DDX46: variants seen among roughly 807,000 people sequenced by gnomAD.
DDX46 encodes probable ATP-dependent RNA helicase DDX46.
In DDX46, 30 loss-of-function variants were observed where a neutral mutation model predicts 134.9. The ratio of observed to expected loss-of-function variants is 0.22; its 90% CI spans 0.17 to 0.30. The LOEUF (loss-of-function observed/expected upper bound fraction) is 0.30, where lower values mean the gene tolerates loss of function less well. DDX46 is among the 10% of genes least tolerant of loss of function. The pLI, the probability that DDX46 is intolerant of heterozygous loss-of-function variation, is 1.00. For missense variants in DDX46, 622 were observed against 1,248.7 expected (o/e 0.50, Z 7.56); for synonymous variants, 415 against 404.1 (o/e 1.03, Z -0.32).
chr5:134,767,041 A>G lies in DDX46; in HGVS notation c.331A>G (p.Ser111Gly). Residue 111 changes from serine to glycine, a missense_variant, in exon 3 of 23, where the codon AGC (serine) becomes GGC (glycine). Around this residue, in one of 8 missense-constraint regions of DDX46, gnomAD observed 244 missense variants for 349.3 expected, o/e 0.70. Transcript: ENST00000452510. ...CCGATCCTCCAGTCCTGGAAATAAAAGCAAGAAAACTGAGAATAGGTAATG... is the reference window on the plus strand; with the variant it reads ...CCGATCCTCCAGTCCTGGAAATAAAGGCAAGAAAACTGAGAATAGGTAATG... The part of the protein sequence containing the change: ...RSRSSSPGNK[S>G]KKTENRSRSK... The G allele has an allele frequency of 6.2e-7, 1 of 1,613,730 alleles. No homozygotes were observed. Among genetic ancestry groups the G allele is most frequent in the Non-Finnish European group, 8.5e-7 (1 of 1,179,892 alleles).
intron 1 of DDX46, among the ~76,000 whole-genome samples, chr5:134,763,318 A>G (rs901064869): frequency 4.6e-5 from 7 of 152,228 alleles, no homozygotes; most frequent in African/African-American, 1.7e-4. Flanking sequence ...TGTAAAAGAC[A>G]GAGTCCTTAT....
At chr5:134,818,505 C>G (rs1378111105) in intron 20 of DDX46, among the ~76,000 whole-genome samples, 6 of 149,400 alleles carry the variant, frequency 4.0e-5, no homozygotes, top group African/African-American at 1.2e-4. Context: ...AGGTCGAGAC[C>G]AGCCTGACCA....
intron 21 of DDX46, among the ~76,000 whole-genome samples, chr5:134,821,681 C>T (rs1282896325): frequency 3.3e-5 from 5 of 151,476 alleles, no homozygotes; most frequent in South Asian, 2.1e-4. Flanking sequence ...CTCAGCCTCC[C>T]GAGTAGCTGG....
rs1156963327 is a variant in DDX46 at position 134,821,185 on chromosome 5, C to G, written c.2977+2181C>G. 2.0e-5 allele frequency among the ~76,000 whole-genome samples: 3 copies of G among 151,788 alleles called. No homozygotes were observed. In the South Asian group the frequency reaches 6.3e-4, roughly 32 times the overall value. The stretch of plus-strand genomic sequence containing the variant: ...CCCAAGCAGCTGGGACTACAGGCGC[C>G]CACCACCATGCCCGGCTAATTTTTT... On this transcript the variant is annotated intron_variant, in intron 21 of 22. Coordinates refer to ENST00000452510, the MANE Select transcript of DDX46 (RefSeq NM_001300860.2).
intron 2 of DDX46, among the ~76,000 whole-genome samples, 171 bp downstream of exon 2, chr5:134,764,263 C>CT (rs924325153): frequency 7.9e-5 from 12 of 150,954 alleles, no homozygotes; most frequent in African/African-American, 2.2e-4. Flanking sequence ...TACAAAGACT[C>CT]TATCAAACAG....
intron 2 of DDX46, 112 bp from the exon 3 acceptor site, chr5:134,766,805 C>T: frequency 7.8e-7 from 1 of 1,283,682 alleles, no homozygotes; most frequent in Non-Finnish European, 1.0e-6. Context: ...TTGAGACCTC[C>T]ACCTTTAATA....
At chr5:134,803,021 A>G (rs1420473219) in intron 15 of DDX46, among the ~76,000 whole-genome samples, 4 of 151,932 alleles carry the variant, frequency 2.6e-5, no homozygotes, top group Non-Finnish European at 1.5e-5. Flanking sequence ...TTTTATACGG[A>G]GTCTTGCTCT....
At chr5:134,764,275 G>GT (rs113290220) in intron 2 of DDX46, among the ~76,000 whole-genome samples, 183 bp downstream of exon 2, 21,149 of 141,246 alleles carry the variant, frequency 0.15, 1,817 homozygotes, top group East Asian at 0.27. Context: ...ATCAAACAGT[G>GT]TTTTTTTTTT....
chr5:134,766,482 A>C (rs1580771040), intron 2 of DDX46, among the ~76,000 whole-genome samples: 1 of 151,860 alleles, frequency 6.6e-6, no homozygotes, highest in East Asian at 1.9e-4. Context: ...TTAACCCAGG[A>C]GATGGAGGTT....
At chr5:134,780,136 G>T (rs866594228) in intron 6 of DDX46, among the ~76,000 whole-genome samples, 8 of 147,394 alleles carry the variant, frequency 5.4e-5, no homozygotes, top group African/African-American at 2.0e-4. Context: ...GTGTGTGTGT[G>T]TGTATATGTA....
chr5:134,771,138 G>C, intron 4 of DDX46, 139 bp downstream of exon 4: 1 of 527,772 alleles, frequency 1.9e-6, no homozygotes, highest in Non-Finnish European at 3.3e-6. Context: ...CTTTCTTTCT[G>C]TCTGTCTCTG....
At position 134,766,919 on chromosome 5, in the gene DDX46, G is replaced by A. The variant is rs199583321; in HGVS notation, c.209G>A (p.Arg70His). The A allele has an allele frequency of 1.2e-6, 2 of 1,610,564 alleles. No homozygotes were observed. Among genetic ancestry groups the A allele is most frequent in the Non-Finnish European group, 8.5e-7 (1 of 1,179,026 alleles). Residue 70 changes from arginine to histidine, a missense_variant and splice_region_variant, in exon 3 of 23, where the codon CGT (arginine) becomes CAT (histidine). By Grantham distance (29) the Arg-to-His change is conservative. Transcript: ENST00000452510. ...SRSRDRKRLR[R>H]SRSRERDRSR... Reference sequence around the variant, plus strand: ...AATGAAAAGTGTCCCCCTTTCAGACGTTCCAGAAGTAGAGAGAGAGACAGA... The same window carrying A: ...AATGAAAAGTGTCCCCCTTTCAGACATTCCAGAAGTAGAGAGAGAGACAGA...
rs1344435290 is a variant in DDX46 at position 134,782,074 on chromosome 5, A to G, written c.1033A>G (p.Met345Val). The change falls in exon 8 of 23, where the codon ATG becomes GTG. Residue 345 changes from methionine (M) to valine (V), a missense_variant. This residue lies in a region of DDX46 where 63 missense variants were observed against 84.0 expected (regional missense o/e 0.75). Coordinates refer to ENST00000452510, the MANE Select transcript of DDX46 (RefSeq NM_001300860.2). ...TGTTGAAGTTCCAGAACTAGCAAAA[A>G]TGTCTCAAGAAGGTAAAATTCCATT... ...FYVEVPELAK[M>V]SQEEVNVFRL... The G allele has an allele frequency of 6.3e-7, 1 of 1,585,480 alleles. No homozygotes were observed. Among genetic ancestry groups the G allele is most frequent in the Admixed American group, 2.0e-5 (1 of 49,314 alleles).
At chr5:134,811,453 A>G in intron 17 of DDX46, 95 bp downstream of exon 17, 1 of 1,478,046 alleles carries the variant, frequency 6.8e-7, no homozygotes, top group Non-Finnish European at 9.1e-7. Context: ...AACACTTGAA[A>G]ATTTTGCTAC....
At chr5:134,791,225 A>G (rs1474813437) in intron 13 of DDX46, among the ~76,000 whole-genome samples, 2 of 152,220 alleles carry the variant, frequency 1.3e-5, no homozygotes, top group East Asian at 3.8e-4. Context: ...GTTTGCTAAG[A>G]TAATGGCCCA....
chr5:134,790,973 C>A (rs1261137701), intron 13 of DDX46, among the ~76,000 whole-genome samples: 1 of 143,184 alleles, frequency 7.0e-6, no homozygotes. Context: ...TACAGGTGCC[C>A]GCCACCACGC....
chr5:134,808,168 T>A (rs1755043147), intron 16 of DDX46, among the ~76,000 whole-genome samples: 1 of 152,224 alleles, frequency 6.6e-6, no homozygotes, highest in African/African-American at 2.4e-5. Flanking sequence ...TGTTAACAGT[T>A]TGTCTTCCCT....
intron 14 of DDX46, 137 bp downstream of exon 14, chr5:134,795,151 ATTT>A (rs1754612465): frequency 2.2e-6 from 2 of 906,918 alleles, no homozygotes; most frequent in African/African-American, 1.8e-5. Flanking sequence ...AGCCTTCAGT[ATTT>A]TACCAGATAA....
intron 20 of DDX46, among the ~76,000 whole-genome samples, chr5:134,818,042 C>T (rs187266794): frequency 4.0e-4 from 60 of 151,772 alleles, no homozygotes; most frequent in East Asian, 1.9e-4. Context: ...CTCCGCCTCC[C>T]GGGTTCAAGC....
Sources: allele counts gnomAD v4.1 joint callset (sites outside exome capture counted in the v4.1 genomes callset), GRCh38; gene constraint gnomAD v4.1.1; regional missense constraint gnomAD v4.1.1; transcripts MANE v1.5; gene names NCBI Gene and HGNC (gene_info 2026-07-23, HGNC 2026-07-21).